Variants in BARX2 observed in about 807,000 individuals in gnomAD.
The protein encoded by BARX2 is BARX homeobox 2.
A neutral mutation model predicts 25.5 loss-of-function variants in BARX2; 11 were observed. That is an observed-to-expected ratio of 0.43 (90% CI 0.27 to 0.71). The LOEUF (loss-of-function observed/expected upper bound fraction) is 0.71, where lower values mean the gene tolerates loss of function less well. Among genes scored for constraint, BARX2 ranks in the 30% least tolerant of loss-of-function variants. The pLI, the probability that BARX2 is intolerant of heterozygous loss-of-function variation, is 0.19. For missense variants in BARX2, 360 were observed against 359.9 expected, an observed-to-expected ratio of 1.00 and a Z score of 0.00; for synonymous variants, 137 against 149.5, an observed-to-expected ratio of 0.92 and a Z score of 0.61.
intron 1 of BARX2, among the ~76,000 whole-genome samples, chr11:129,387,662 T>C (rs1461471353): frequency 1.3e-5 from 2 of 152,220 alleles, no homozygotes; most frequent in Non-Finnish European, 2.9e-5. Context: ...ATTGGAAGCA[T>C]GTTTTCAATC....
At chr11:129,417,333 T>C (rs1035999226) in intron 1 of BARX2, among the ~76,000 whole-genome samples, 2 of 152,184 alleles carry the variant, frequency 1.3e-5, no homozygotes, top group Non-Finnish European at 2.9e-5. Context: ...CTCAGCTCCA[T>C]TCCCCAGGAC....
At chr11:129,414,268 C>T (rs1697336839) in intron 1 of BARX2, among the ~76,000 whole-genome samples, 1 of 151,982 alleles carries the variant, frequency 6.6e-6, no homozygotes, top group Non-Finnish European at 1.5e-5. Context: ...TAGTTCTAGG[C>T]TTGTAAGTAT....
At chr11:129,408,413 C>T (rs554657444) in intron 1 of BARX2, among the ~76,000 whole-genome samples, 2 of 152,274 alleles carry the variant, frequency 1.3e-5, no homozygotes, top group East Asian at 3.9e-4. Flanking sequence ...ACCACAGCCC[C>T]TCACAGGCCC....
intron 1 of BARX2, among the ~76,000 whole-genome samples, chr11:129,391,711 T>G (rs1210560539): frequency 1.3e-5 from 2 of 152,160 alleles, no homozygotes; most frequent in Admixed American, 6.5e-5. Context: ...TCCAGACCTT[T>G]CTAGAAGTAA....
At chr11:129,410,257 A>G (rs1591436108) in intron 1 of BARX2, among the ~76,000 whole-genome samples, 1 of 152,128 alleles carries the variant, frequency 6.6e-6, no homozygotes, top group Non-Finnish European at 1.5e-5. Flanking sequence ...TACTTTGAAA[A>G]TTCAGCTATC....
chr11:129,405,280 C>T (rs1449998459), intron 1 of BARX2, among the ~76,000 whole-genome samples: 3 of 152,152 alleles, frequency 2.0e-5, no homozygotes, highest in Non-Finnish European at 4.4e-5. Flanking sequence ...GGTTAATTTT[C>T]TAGAAGGGGT....
At chr11:129,449,984 G>A (rs1011595067) in intron 3 of BARX2, among the ~76,000 whole-genome samples, 1 of 152,158 alleles carries the variant, frequency 6.6e-6, no homozygotes, top group Admixed American at 6.5e-5. Flanking sequence ...CTGGGCAAAG[G>A]AAACCTACCA....
intron 1 of BARX2, among the ~76,000 whole-genome samples, chr11:129,419,001 G>T (rs2135402289): frequency 6.6e-6 from 1 of 152,298 alleles, no homozygotes; most frequent in South Asian, 2.1e-4. Context: ...GGTTTTCTCT[G>T]GGTCCTTCAG....
chr11:129,397,465 G>GTA (rs1201647800), intron 1 of BARX2, among the ~76,000 whole-genome samples: 2 of 152,074 alleles, frequency 1.3e-5, no homozygotes, highest in Non-Finnish European at 2.9e-5. Flanking sequence ...CAAATACTTA[G>GTA]TATCCACCTT....
rs375531867 is a variant in BARX2, at chr11:129,387,820, A to G, written c.187+11598A>G. Among the ~76,000 whole-genome samples the G allele has an allele frequency of 3.2e-4, 49 of 152,340 alleles. No individual in the cohort carries two copies. In the East Asian group the frequency reaches 5.8e-3, roughly 18 times the overall value. On this transcript the variant is annotated intron_variant, in intron 1 of 3. Coordinates refer to ENST00000281437, the MANE Select transcript of BARX2 (RefSeq NM_003658.5). The stretch of plus-strand genomic sequence containing the variant: ...GGAGGTGCTAAATAGGAGTAACAAC[A>G]ATAATAAATGGCAACCACGTGCCCG...
intron 3 of BARX2, among the ~76,000 whole-genome samples, chr11:129,443,881 TG>T (rs1185456798): frequency 6.6e-6 from 1 of 152,092 alleles, no homozygotes; most frequent in East Asian, 1.9e-4. Context: ...GAAGCCCTGC[TG>T]TTCTCTGGAG....
At chr11:129,407,967 C>T (rs1451491366) in intron 1 of BARX2, among the ~76,000 whole-genome samples, 1 of 129,036 alleles carries the variant, frequency 7.7e-6, no homozygotes, top group African/African-American at 3.0e-5. Context: ...TTTGGGAGGC[C>T]AAGGCGGGCC....
intron 1 of BARX2, among the ~76,000 whole-genome samples, chr11:129,377,320 G>T (rs1861514295): frequency 6.6e-6 from 1 of 152,124 alleles, no homozygotes; most frequent in Non-Finnish European, 1.5e-5. Flanking sequence ...ATTTTCTCTT[G>T]GTTCCATTGA....
intron 2 of BARX2, among the ~76,000 whole-genome samples, chr11:129,440,563 C>T (rs1219723063): frequency 6.6e-6 from 1 of 152,230 alleles, no homozygotes; most frequent in Non-Finnish European, 1.5e-5. Flanking sequence ...TGGCTTTAGC[C>T]TGTTAATCAC....
intron 1 of BARX2, among the ~76,000 whole-genome samples, chr11:129,381,811 G>A (rs1270007644): frequency 6.6e-6 from 1 of 152,196 alleles, no homozygotes; most frequent in Admixed American, 6.5e-5. Flanking sequence ...AAAAAGAAGG[G>A]AAGAAGGAAA....
At chr11:129,444,355 G>C (rs370814990) in intron 3 of BARX2, among the ~76,000 whole-genome samples, 1 of 152,136 alleles carries the variant, frequency 6.6e-6, no homozygotes, top group Non-Finnish European at 1.5e-5. Flanking sequence ...ATTTCCTCTG[G>C]GGGGACCTGA....
intron 1 of BARX2, among the ~76,000 whole-genome samples, chr11:129,397,016 G>A (rs1224304874): frequency 6.6e-6 from 1 of 152,154 alleles, no homozygotes; most frequent in Non-Finnish European, 1.5e-5. Flanking sequence ...TGGGCACGGT[G>A]GCTCACATCT....
At chr11:129,411,545 T>C (rs567101676) in intron 1 of BARX2, among the ~76,000 whole-genome samples, 12 of 151,656 alleles carry the variant, frequency 7.9e-5, no homozygotes, top group African/African-American at 2.4e-4. Context: ...AGGAAGAAAA[T>C]AGTAAGAATC....
chr11:129,403,270 G>A (rs943876651), intron 1 of BARX2, among the ~76,000 whole-genome samples: 11 of 152,238 alleles, frequency 7.2e-5, no homozygotes, highest in African/African-American at 2.7e-4. Flanking sequence ...AGAAATTGAA[G>A]TGGATATATT....
Sources: allele counts gnomAD v4.1 joint callset (sites outside exome capture counted in the v4.1 genomes callset), GRCh38; gene constraint gnomAD v4.1.1; transcripts MANE v1.5; gene names NCBI Gene and HGNC (gene_info 2026-07-23, HGNC 2026-07-21).